Variants in SLC22A23 observed in about 807,000 individuals in gnomAD.
SLC22A23 encodes solute carrier family 22 member 23, also known as ion transporter protein.
SLC22A23 carries 26 observed loss-of-function variants against 61.0 expected under a neutral mutation model. The observed-to-expected ratio is 0.43, with a 90% CI of 0.31 to 0.59. The LOEUF (loss-of-function observed/expected upper bound fraction) is 0.59. SLC22A23 is among the 20% of genes least tolerant of loss of function. The pLI is 0.11. For missense variants in SLC22A23, 796 were observed against 934.7 expected (o/e 0.85, Z 1.94); for synonymous variants, 430 against 413.9 (o/e 1.04, Z -0.47).
At chr6:3,282,792 C>T (rs573267837) in intron 9 of SLC22A23, among the ~76,000 whole-genome samples, 59 of 152,300 alleles carry the variant, frequency 3.9e-4, no homozygotes, top group African/African-American at 1.4e-3. Context: ...GAGTGATGCC[C>T]TTTTAGTGGA....
Position 3,342,036 on chromosome 6 carries a change from T to C in SLC22A23, c.914-18034A>G, listed in dbSNP as rs189321849. Among the ~76,000 whole-genome samples, 1 of 152,018 alleles carries C rather than the reference T, an allele frequency of 6.6e-6. No homozygotes were observed. Among genetic ancestry groups the C allele is most frequent in the African/African-American group, 2.4e-5 (1 of 41,552 alleles). ...TTAAGAAGAAAATCTTTCTTCTTAA[T>C]GAAAGATTAATGAAGCTTTAATTAA... On this transcript the variant is annotated intron_variant, in intron 3 of 9. Transcript: ENST00000406686. This position sits in a 1 kb window ranked among gnomAD's most constrained non-coding sequence, Gnocchi z 4.0.
intron 4 of SLC22A23, among the ~76,000 whole-genome samples, chr6:3,315,642 G>T (rs535145962): frequency 3.9e-5 from 6 of 152,220 alleles, no homozygotes; most frequent in Non-Finnish European, 7.3e-5. Flanking sequence ...GAGGCAGGCG[G>T]ATCACTAGGT....
chr6:3,420,931 C>T (rs2127529314), intron 1 of SLC22A23, among the ~76,000 whole-genome samples: 1 of 151,974 alleles, frequency 6.6e-6, no homozygotes, highest in South Asian at 2.1e-4. Context: ...ATGGTGAAAT[C>T]CTGTACTAAA....
At position 3,297,484 on chromosome 6, in the gene SLC22A23, T is replaced by C. The variant is rs892680289; in HGVS notation, c.1210+607A>G. Among the ~76,000 whole-genome samples the C allele has an allele frequency of 3.3e-5, 5 of 152,264 alleles. No homozygotes were observed. Among genetic ancestry groups the C allele is most frequent in the Admixed American group, 6.5e-5 (1 of 15,298 alleles). ...TTATCCCAAATCTAACAGGTCAGGA[T>C]CTCCAGGTGCCAGGGAGAGGCCCAG... is the stretch of plus-strand genomic sequence containing the variant. On this transcript the variant is annotated intron_variant, in intron 5 of 9. Transcript: ENST00000406686. The surrounding 1 kb of genome is among the most constrained non-coding windows in gnomAD (Gnocchi z 4.3).
Position 3,271,313 on chromosome 6 carries a change from CAG to C in SLC22A23, c.*1740_*1741del, listed in dbSNP as rs1758460931. ...TCCCTTCCTGGGTATCTCAAGATCC[CAG>C]GTGTCGGCGTGGTCCAGCCACTGGA... is the stretch of plus-strand genomic sequence containing the variant. On this transcript the variant is annotated 3_prime_UTR_variant, in exon 10 of 10. Coordinates refer to ENST00000406686, the MANE Select transcript of SLC22A23 (RefSeq NM_015482.2). The C allele has an allele frequency of 6.6e-6, 1 of 152,274 alleles. No homozygotes were observed. Among genetic ancestry groups the C allele is most frequent in the African/African-American group, 2.4e-5 (1 of 41,430 alleles). The allele number at this position is 152,274 out of a possible 1,614,324, so 9.4% of individuals were successfully genotyped here. A position where few individuals can be genotyped will look rare whatever the true frequency, so the allele number is the denominator to read the frequency against.
intron 1 of SLC22A23, among the ~76,000 whole-genome samples, chr6:3,450,032 A>G (rs17136575): frequency 0.22 from 32,803 of 152,126 alleles, 3,775 homozygotes; most frequent in African/African-American, 0.27. Context: ...AGTGTTTCGG[A>G]TACGCTAGTG....
chr6:3,291,822 A>T (rs1760623050), intron 5 of SLC22A23: 1 of 152,216 alleles, frequency 6.6e-6, no homozygotes, highest in African/African-American at 2.4e-5. Context: ...AGAAAATTTC[A>T]ATGTCCATTA....
intron 3 of SLC22A23, among the ~76,000 whole-genome samples, chr6:3,378,422 C>T (rs1001232303): frequency 6.6e-6 from 1 of 152,298 alleles, no homozygotes; most frequent in East Asian, 1.9e-4. Flanking sequence ...TTTTACAAAG[C>T]GACCATTGCT....
In SLC22A23 at chr6:3,322,306, G is replaced by A. The variant is rs1763002240; in HGVS notation, c.1082+1528C>T. ...AGATAAATCAGCACCCTTGAACTCC[G>A]AAACAGCTAAGCCCAGCGAAGGCTG... On this transcript the variant is annotated intron_variant, in intron 4 of 9. Coordinates refer to ENST00000406686, the MANE Select transcript of SLC22A23 (RefSeq NM_015482.2). This position sits in a 1 kb window ranked among gnomAD's most constrained non-coding sequence, Gnocchi z 4.1. Among the ~76,000 whole-genome samples the A allele has an allele frequency of 1.3e-5, 2 of 152,184 alleles. No homozygotes were observed. The highest frequency in any genetic ancestry group is 1.9e-4 in the East Asian group (1 of 5,198).
rs188553115 is a variant in SLC22A23 at position 3,423,092 on chromosome 6, C to T, written c.655-7237G>A. Among the ~76,000 whole-genome samples, 405 of 151,996 alleles carry T rather than the reference C, an allele frequency of 2.7e-3. 2 individuals are homozygous for T. The highest frequency in any genetic ancestry group is 6.8e-3 in the Middle Eastern group (2 of 294). On this transcript the variant is annotated intron_variant, in intron 1 of 9. Transcript: ENST00000406686. The stretch of plus-strand genomic sequence containing the variant: ...AACTCTACTGTCCGCTCCTCTTCTG[C>T]GCAGTGCAGCCTTCCCGGTGGGAGA...
At chr6:3,335,352 A>C (rs893122272) in intron 3 of SLC22A23, among the ~76,000 whole-genome samples, 27 of 152,110 alleles carry the variant, frequency 1.8e-4, no homozygotes. Flanking sequence ...CTTGTTTTTG[A>C]CAGAGCTTGT....
rs990770403 is a variant in SLC22A23, at chr6:3,322,340, G to T, written c.1082+1494C>A. On this transcript the variant is annotated intron_variant, in intron 4 of 9. Transcript: ENST00000406686. This position sits in a 1 kb window ranked among gnomAD's most constrained non-coding sequence, Gnocchi z 4.1. ...AAGCCCAGCGAAGGCTGCCACAAGG[G>T]AGGGGGCAGAAAGACTTCCTTAGGA... 3.3e-5 allele frequency among the ~76,000 whole-genome samples: 5 copies of T among 152,230 alleles called. No homozygotes were observed. Among genetic ancestry groups the T allele is most frequent in the African/African-American group, 1.2e-4 (5 of 41,452 alleles).
chr6:3,335,599 C>T (rs749812188), intron 3 of SLC22A23, among the ~76,000 whole-genome samples: 5 of 152,300 alleles, frequency 3.3e-5, no homozygotes, highest in East Asian at 3.9e-4. Flanking sequence ...GGTCACACTG[C>T]GTGTATCACA....
intron 4 of SLC22A23, 32 bp downstream of exon 4, chr6:3,323,802 C>G: frequency 6.3e-7 from 1 of 1,588,166 alleles, no homozygotes; most frequent in South Asian, 1.1e-5. Context: ...TGCAGTCGCA[C>G]CAGCCCAGGG....
intron 3 of SLC22A23, among the ~76,000 whole-genome samples, chr6:3,374,715 C>T (rs1766449784): frequency 6.6e-6 from 1 of 152,174 alleles, no homozygotes. Flanking sequence ...AGCCCTGAAG[C>T]AGAGCAAGGA....
intron 4 of SLC22A23, among the ~76,000 whole-genome samples, chr6:3,301,176 AC>A (rs369089338): frequency 0.019 from 2,895 of 151,980 alleles, 42 homozygotes; most frequent in Admixed American, 0.028. Context: ...CACAAATGCC[AC>A]CCCCCATAGT....
chr6:3,288,518 T>C (rs1046101746), intron 6 of SLC22A23, among the ~76,000 whole-genome samples: 1 of 152,228 alleles, frequency 6.6e-6, no homozygotes, highest in Non-Finnish European at 1.5e-5. Context: ...CCTGCTGAGA[T>C]AGCAGGGCAA....
chr6:3,289,617 T>C (rs1760382060), intron 6 of SLC22A23, 147 bp downstream of exon 6: 5 of 657,684 alleles, frequency 7.6e-6, no homozygotes, highest in Admixed American at 6.1e-5. Flanking sequence ...GGGAGGTCAA[T>C]ATCTTCTAGC....
chr6:3,336,488 T>A (rs956152508), intron 3 of SLC22A23, among the ~76,000 whole-genome samples: 1 of 152,242 alleles, frequency 6.6e-6, no homozygotes, highest in African/African-American at 2.4e-5. Flanking sequence ...TGGTCCTCCA[T>A]GATTTCGTCC....
Sources: gnomAD v4.1 joint callset for allele counts (sites outside exome capture counted in the v4.1 genomes callset) on GRCh38, gnomAD v4.1.1 for gene constraint, Gnocchi (gnomAD v3.1) non-coding constraint, MANE v1.5 for transcripts, NCBI Gene and HGNC (gene_info 2026-07-23, HGNC 2026-07-21) for gene names.